Variants in ADCY2 observed in about 807,000 individuals in gnomAD.
ADCY2 encodes adenylate cyclase type 2.
A neutral mutation model predicts 125.2 loss-of-function variants in ADCY2; 31 were observed. The ratio of observed to expected loss-of-function variants is 0.25; its 90% CI spans 0.19 to 0.33. ADCY2 has a LOEUF of 0.33. Among genes scored for constraint, ADCY2 ranks in the 10% least tolerant of loss-of-function variants. The pLI, the probability that ADCY2 is intolerant of heterozygous loss-of-function variation, is 1.00. For synonymous variants in ADCY2, 512 were observed against 548.4 expected (o/e 0.93, Z 0.93); for missense variants, 904 against 1,418.2 (o/e 0.64, Z 5.82).
chr5:7,555,524 T>C (rs983423187), intron 3 of ADCY2, among the ~76,000 whole-genome samples: 31 of 152,222 alleles, frequency 2.0e-4, no homozygotes, highest in Admixed American at 1.3e-4. Context: ...GGTAACTGTT[T>C]GTATGTTACA....
intron 3 of ADCY2, among the ~76,000 whole-genome samples, chr5:7,601,156 G>A (rs565466650): frequency 6.6e-5 from 10 of 152,234 alleles, no homozygotes; most frequent in Admixed American, 2.6e-4. Context: ...GGTGAAGGAC[G>A]GAGCCACGTG....
intron 4 of ADCY2, chr5:7,654,276 A>C (rs2126685180): frequency 2.5e-6 from 1 of 392,322 alleles, no homozygotes; most frequent in Middle Eastern, 9.1e-4. Flanking sequence ...TGTCCTAACA[A>C]GAGGAGCTCT....
intron 3 of ADCY2, among the ~76,000 whole-genome samples, chr5:7,595,036 C>T (rs1192091489): frequency 6.6e-6 from 1 of 152,128 alleles, no homozygotes; most frequent in Non-Finnish European, 1.5e-5. Flanking sequence ...CCTTCCCTTC[C>T]CCTTTTAATC....
At chr5:7,453,941 A>G (rs186724717) in intron 2 of ADCY2, among the ~76,000 whole-genome samples, 42 of 151,996 alleles carry the variant, frequency 2.8e-4, no homozygotes, top group Admixed American at 4.6e-4. Flanking sequence ...CACTCACCCG[A>G]CTCCTGAGAT....
chr5:7,718,145 A>ATTTTTTTTTTTTTTTT (rs59353850), intron 12 of ADCY2, among the ~76,000 whole-genome samples: 1 of 115,418 alleles, frequency 8.7e-6, no homozygotes. Context: ...CCTGTTTTAG[A>ATTTTTTTTTTTTTTTT]TTTTTTTTTT....
intron 4 of ADCY2, among the ~76,000 whole-genome samples, chr5:7,644,247 C>T (rs968671200): frequency 2.6e-5 from 4 of 152,086 alleles, no homozygotes; most frequent in African/African-American, 9.7e-5. Flanking sequence ...GAAAACACTT[C>T]CTAAATTTAA....
At chr5:7,602,342 G>A (rs1419292179) in intron 3 of ADCY2, among the ~76,000 whole-genome samples, 4 of 152,102 alleles carry the variant, frequency 2.6e-5, no homozygotes, top group African/African-American at 4.8e-5. Context: ...CCATATAATA[G>A]CTCCCTGAGG....
At chr5:7,759,280 G>A (rs948982991) in intron 16 of ADCY2, among the ~76,000 whole-genome samples, 2 of 152,180 alleles carry the variant, frequency 1.3e-5, no homozygotes, top group Non-Finnish European at 2.9e-5. Flanking sequence ...AGAACATGAG[G>A]CCAGCCCTGA....
At chr5:7,762,048 T>G (rs7727899) in intron 16 of ADCY2, among the ~76,000 whole-genome samples, 142,897 of 152,232 alleles carry the variant, frequency 0.94, 67,581 homozygotes, top group East Asian at 1. Flanking sequence ...CATACCAAGC[T>G]GCCTTCTGTA....
At chr5:7,746,898 T>C (rs557334319) in intron 15 of ADCY2, among the ~76,000 whole-genome samples, 1 of 152,328 alleles carries the variant, frequency 6.6e-6, no homozygotes, top group South Asian at 2.1e-4. Flanking sequence ...GAAAGCGTAA[T>C]GCCAATAAAT....
chr5:7,495,169 G>C (rs1054830709), intron 2 of ADCY2, among the ~76,000 whole-genome samples: 5 of 152,206 alleles, frequency 3.3e-5, no homozygotes, highest in African/African-American at 9.6e-5. Flanking sequence ...GCCTGCACAT[G>C]TATGTTAGCC....
chr5:7,608,305 G>A (rs966116386), intron 3 of ADCY2, among the ~76,000 whole-genome samples: 1 of 152,134 alleles, frequency 6.6e-6, no homozygotes, highest in Non-Finnish European at 1.5e-5. Context: ...AAACAGGCTG[G>A]GTGTGGTGGC....
chr5:7,620,576 G>A (rs1737921321), intron 3 of ADCY2, among the ~76,000 whole-genome samples: 1 of 152,164 alleles, frequency 6.6e-6, no homozygotes, highest in African/African-American at 2.4e-5. Flanking sequence ...AATTCTTAGA[G>A]GGCTGTGAAA....
intron 4 of ADCY2, among the ~76,000 whole-genome samples, chr5:7,647,473 G>T (rs1393057303): frequency 6.6e-6 from 1 of 152,106 alleles, no homozygotes; most frequent in Non-Finnish European, 1.5e-5. Context: ...GCTTGCAGAG[G>T]TTCGACCCCC....
chr5:7,503,009 C>T (rs1409978681), intron 2 of ADCY2, among the ~76,000 whole-genome samples: 3 of 152,154 alleles, frequency 2.0e-5, no homozygotes, highest in African/African-American at 2.4e-5. Context: ...GTGCCTTTGT[C>T]GGAGCTGTTT....
At position 7,586,435 on chromosome 5, in the gene ADCY2, TG is replaced by T. The variant is rs1736627362; in HGVS notation, c.571-39731del. Among the ~76,000 whole-genome samples the T allele has an allele frequency of 2.6e-5, 4 of 152,336 alleles. No homozygotes were observed. The South Asian group carries it at 6.2e-4, about 24-fold the overall frequency. Reference sequence around the variant, plus strand: ...CCACCCTCATCCATTCTCATCCTCCTGTCTTCCTTTCCAGATCTCAGTGCAG... The same window carrying T: ...CCACCCTCATCCATTCTCATCCTCCTTCTTCCTTTCCAGATCTCAGTGCAG... On this transcript the variant is annotated intron_variant, in intron 3 of 24. Coordinates refer to ENST00000338316, the MANE Select transcript of ADCY2 (RefSeq NM_020546.3).
At chr5:7,555,627 G>T (rs1189974774) in intron 3 of ADCY2, among the ~76,000 whole-genome samples, 1 of 152,084 alleles carries the variant, frequency 6.6e-6, no homozygotes, top group Admixed American at 6.5e-5. Context: ...TAAAATGAGA[G>T]GGTTAGGTAC....
intron 2 of ADCY2, among the ~76,000 whole-genome samples, chr5:7,487,385 T>C (rs1319783569): frequency 6.6e-6 from 1 of 152,214 alleles, no homozygotes; most frequent in East Asian, 1.9e-4. Flanking sequence ...CCGTTTGTTA[T>C]CATAGCACAC....
intron 16 of ADCY2, among the ~76,000 whole-genome samples, chr5:7,764,570 A>T (rs1407806830): frequency 6.6e-6 from 1 of 152,216 alleles, no homozygotes; most frequent in African/African-American, 2.4e-5. Flanking sequence ...TGTAATTCTG[A>T]TATGTTTTAA....
Sources: allele counts gnomAD v4.1 joint callset (sites outside exome capture counted in the v4.1 genomes callset), GRCh38; gene constraint gnomAD v4.1.1; transcripts MANE v1.5; gene names NCBI Gene and HGNC (gene_info 2026-07-23, HGNC 2026-07-21).